The following MAN1A1 variants were observed in gnomAD, a reference collection of about 807,000 sequenced individuals.
MAN1A1 encodes mannosyl-oligosaccharide 1,2-alpha-mannosidase IA.
Under a neutral mutation model 70.8 loss-of-function variants are expected in MAN1A1, and 29 were observed. The observed-to-expected ratio is 0.41, with a 90% CI of 0.31 to 0.56. The LOEUF (loss-of-function observed/expected upper bound fraction) is 0.56, where lower values mean the gene tolerates loss of function less well. Ranked by LOEUF, MAN1A1 falls within the 20% of genes least tolerant of loss-of-function variation. The pLI is 0.29. For missense variants in MAN1A1, 747 were observed against 841.3 expected (o/e 0.89, Z 1.39); for synonymous variants, 349 against 330.1 (o/e 1.06, Z -0.62).
chr6:119,247,386 C>A (rs1195333075), intron 6 of MAN1A1, among the ~76,000 whole-genome samples: 1 of 152,080 alleles, frequency 6.6e-6, no homozygotes, highest in African/African-American at 2.4e-5. Context: ...CAGCATTGAC[C>A]TTACTGGGTT....
chr6:119,204,834 C>G lies in MAN1A1; in HGVS notation c.1041G>C (p.Leu347=). ...WPWASGGSSI[L]AEFGTLHLEF... ...CCAAATGCAGGGTTCCAAATTCTGC[C>G]AGAATACTGCTGCCTCCAGAGGCCC... Residue 347 remains leucine, a synonymous_variant, in exon 7 of 13, where the codon CTG becomes CTC. Coordinates refer to ENST00000368468, the MANE Select transcript of MAN1A1 (RefSeq NM_005907.4). 6.2e-7 allele frequency: 1 copy of G among 1,613,902 alleles called. No individual in the cohort carries two copies. The highest frequency in any genetic ancestry group is 1.1e-5 in the South Asian group (1 of 91,078).
chr6:119,190,053 T>A (rs983725689), intron 9 of MAN1A1, among the ~76,000 whole-genome samples, 170 bp from the exon 10 acceptor site: 2 of 152,208 alleles, frequency 1.3e-5, no homozygotes, highest in Non-Finnish European at 2.9e-5. Context: ...ATTCCTCCTC[T>A]AGTTTATGCC....
chr6:119,280,221 A>G (rs1776194115), intron 5 of MAN1A1, among the ~76,000 whole-genome samples: 1 of 152,316 alleles, frequency 6.6e-6, no homozygotes. Flanking sequence ...TCAATATCTT[A>G]TCTTCTGTGC....
intron 3 of MAN1A1, 147 bp from the exon 4 acceptor site, chr6:119,302,250 G>A (rs6918089): frequency 0.36 from 179,868 of 493,410 alleles, 35,041 homozygotes; most frequent in Non-Finnish European, 0.4. Context: ...TTCAATGAAA[G>A]TATAAAACAG....
At chr6:119,277,421 C>A (rs144765958) in intron 5 of MAN1A1, among the ~76,000 whole-genome samples, 2,219 of 152,294 alleles carry the variant, frequency 0.015, 33 homozygotes, top group African/African-American at 0.037. Context: ...CTTTAGAGGA[C>A]TTCCTTTAGA....
At chr6:119,238,402 C>T (rs745940728) in intron 6 of MAN1A1, among the ~76,000 whole-genome samples, 1 of 152,150 alleles carries the variant, frequency 6.6e-6, no homozygotes, top group Non-Finnish European at 1.5e-5. Flanking sequence ...AAGAAACATA[C>T]AAATTCATAC....
chr6:119,276,128 G>A (rs1464421506), intron 5 of MAN1A1, among the ~76,000 whole-genome samples: 1 of 152,104 alleles, frequency 6.6e-6, no homozygotes, highest in Non-Finnish European at 1.5e-5. Flanking sequence ...TCTTTAGAAT[G>A]TTATTTCCTC....
At chr6:119,327,582 G>A (rs895452790) in intron 2 of MAN1A1, among the ~76,000 whole-genome samples, 1 of 151,834 alleles carries the variant, frequency 6.6e-6, no homozygotes, top group Non-Finnish European at 1.5e-5. Flanking sequence ...TAGAGATGGG[G>A]TTTCACCATG....
chr6:119,269,161 A>C (rs1212496958), intron 5 of MAN1A1: 2 of 191,448 alleles, frequency 1.0e-5, no homozygotes. Context: ...GGTCTTGAGG[A>C]CCTCTGTGTA....
intron 4 of MAN1A1, among the ~76,000 whole-genome samples, chr6:119,291,282 C>T (rs542999129): frequency 8.3e-4 from 127 of 152,138 alleles, no homozygotes; most frequent in African/African-American, 2.9e-3. Context: ...CCTAGCCTTC[C>T]GCCATGATTG....
intron 6 of MAN1A1, chr6:119,210,788 C>A (rs1396349853): frequency 7.1e-6 from 2 of 280,772 alleles, no homozygotes; most frequent in East Asian, 1.1e-4. Flanking sequence ...ATTATCTAAA[C>A]TGATAATGAG....
intron 6 of MAN1A1, among the ~76,000 whole-genome samples, chr6:119,232,111 C>CT (rs1774694501): frequency 6.6e-6 from 1 of 152,206 alleles, no homozygotes; most frequent in African/African-American, 2.4e-5. Flanking sequence ...TGGTGGCTTA[C>CT]GCCTGTAATC....
At chr6:119,322,382 T>C (rs1449461773) in intron 2 of MAN1A1, among the ~76,000 whole-genome samples, 1 of 152,296 alleles carries the variant, frequency 6.6e-6, no homozygotes, top group South Asian at 2.1e-4. Flanking sequence ...TGATATGCCT[T>C]GCCAGTATTC....
chr6:119,184,102 A>C (rs1773224225), intron 11 of MAN1A1, among the ~76,000 whole-genome samples: 1 of 152,130 alleles, frequency 6.6e-6, no homozygotes, highest in Admixed American at 6.5e-5. Context: ...GAAGCTGGGG[A>C]CAAATAGCTT....
At chr6:119,223,320 A>G (rs1247342934) in intron 6 of MAN1A1, among the ~76,000 whole-genome samples, 1 of 152,194 alleles carries the variant, frequency 6.6e-6, no homozygotes, top group Non-Finnish European at 1.5e-5. Flanking sequence ...ACAATCAGGA[A>G]TAATTTTTTT....
chr6:119,265,397 C>T lies in MAN1A1; in HGVS notation c.898-17043G>A, dbSNP rs899900880. ...CATAGGCATGAGCCACTGAGCCTGG[C>T]CTCATTAAAATTCTTAATAGGGAAA... On this transcript the variant is annotated intron_variant, in intron 5 of 12. Coordinates refer to ENST00000368468, the MANE Select transcript of MAN1A1 (RefSeq NM_005907.4). Among the ~76,000 whole-genome samples the T allele has an allele frequency of 1.2e-4, 18 of 152,156 alleles. 1 individual carries two copies. The highest frequency in any genetic ancestry group is 8.5e-4 in the Admixed American group (13 of 15,276).
chr6:119,323,216 GT>G (rs1445832088), intron 2 of MAN1A1, among the ~76,000 whole-genome samples: 1 of 152,098 alleles, frequency 6.6e-6, no homozygotes, highest in Non-Finnish European at 1.5e-5. Context: ...AATCAAAAAG[GT>G]TTTGTTTCTT....
intron 2 of MAN1A1, among the ~76,000 whole-genome samples, chr6:119,307,743 T>C (rs909054900): frequency 6.6e-6 from 1 of 152,174 alleles, no homozygotes; most frequent in Non-Finnish European, 1.5e-5. Flanking sequence ...ATTATTTTTG[T>C]ATGCATATTT....
At chr6:119,206,097 G>A (rs1264133257) in intron 6 of MAN1A1, among the ~76,000 whole-genome samples, 15 of 152,162 alleles carry the variant, frequency 9.9e-5, no homozygotes, top group Non-Finnish European at 1.8e-4. Context: ...ACGAGTTGGT[G>A]AGGAAAAAAT....
Sources: allele counts gnomAD v4.1 joint callset (sites outside exome capture counted in the v4.1 genomes callset), GRCh38; gene constraint gnomAD v4.1.1; transcripts MANE v1.5; gene names NCBI Gene and HGNC (gene_info 2026-07-23, HGNC 2026-07-21).